The following PTPRT variants were observed in gnomAD, a reference collection of about 807,000 sequenced individuals.
The protein encoded by PTPRT is protein tyrosine phosphatase receptor type T, also known as receptor-type tyrosine-protein phosphatase T.
A neutral mutation model predicts 176.8 loss-of-function variants in PTPRT; 56 were observed. The ratio of observed to expected loss-of-function variants is 0.32; its 90% CI spans 0.26 to 0.40. The LOEUF (loss-of-function observed/expected upper bound fraction) is 0.40. Ranked by LOEUF, PTPRT falls within the 10% of genes least tolerant of loss-of-function variation. The probability of loss-of-function intolerance (pLI) is 1.00; values close to 1 mark genes in which losing one functional copy is unlikely to be tolerated. For missense variants in PTPRT, 1,540 were observed against 1,908.2 expected (o/e 0.81, Z 3.60); for synonymous variants, 783 against 739.0 (o/e 1.06, Z -0.96).
chr20:43,043,051 G>A (rs1227384371), intron 1 of PTPRT, among the ~76,000 whole-genome samples: 2 of 152,194 alleles, frequency 1.3e-5, no homozygotes, highest in Non-Finnish European at 2.9e-5. Context: ...CAGACAACCT[G>A]TAAGCACTGG....
chr20:42,225,538 TTTTAAG>T (rs1202844856), intron 15 of PTPRT, among the ~76,000 whole-genome samples: 2 of 152,208 alleles, frequency 1.3e-5, no homozygotes, highest in African/African-American at 4.8e-5. Context: ...TTCTTTGCCT[TTTTAAG>T]TTTTTTTCCT....
chr20:42,635,855 G>A (rs917155150), intron 7 of PTPRT, among the ~76,000 whole-genome samples: 3 of 152,102 alleles, frequency 2.0e-5, no homozygotes, highest in Non-Finnish European at 4.4e-5. Flanking sequence ...TAAACTGCCA[G>A]CTTGATATCG....
intron 7 of PTPRT, among the ~76,000 whole-genome samples, chr20:42,550,974 C>G (rs1433158050): frequency 1.3e-5 from 2 of 152,092 alleles, no homozygotes; most frequent in African/African-American, 4.8e-5. Flanking sequence ...GGACTCGATT[C>G]TCCCCTTACT....
intron 9 of PTPRT, among the ~76,000 whole-genome samples, chr20:42,421,252 ACACG>A (rs1159590855): frequency 2.8e-5 from 4 of 140,516 alleles, no homozygotes; most frequent in African/African-American, 2.7e-5. Context: ...ACATACACAC[ACACG>A]CACGCACGCA....
intron 11 of PTPRT, among the ~76,000 whole-genome samples, chr20:42,327,353 T>G (rs1361054685): frequency 6.6e-6 from 1 of 152,042 alleles, no homozygotes; most frequent in Non-Finnish European, 1.5e-5. Flanking sequence ...TGATCCTTGA[T>G]TGGATCCTGG....
chr20:43,094,077 T>C (rs2012002284), intron 1 of PTPRT, among the ~76,000 whole-genome samples: 1 of 140,666 alleles, frequency 7.1e-6, no homozygotes, highest in Admixed American at 7.3e-5. Context: ...CTCTGTTTTT[T>C]TCTTTCTTTC....
rs569924489 is a variant in PTPRT, at chr20:43,186,374, G to A, written c.88+3272C>T. Among the ~76,000 whole-genome samples, 12 of 152,254 alleles carry A rather than the reference G, an allele frequency of 7.9e-5. No individual in the cohort carries two copies. In the South Asian group the frequency reaches 2.5e-3, roughly 32 times the overall value. On this transcript the variant is annotated intron_variant, in intron 1 of 30. Transcript: ENST00000373187. ...CGCCCCCCCATTATAGCTGCCGTGA[G>A]ACTCTACCATCTCTTCACCATCATC...
intron 2 of PTPRT, among the ~76,000 whole-genome samples, chr20:42,834,454 T>C (rs980988028): frequency 7.9e-5 from 12 of 152,124 alleles, no homozygotes; most frequent in African/African-American, 2.9e-4. Context: ...GAAAAACAGA[T>C]TGACAGTTCC....
intron 17 of PTPRT, among the ~76,000 whole-genome samples, chr20:42,157,213 C>T (rs1435244797): frequency 6.6e-6 from 1 of 152,114 alleles, no homozygotes; most frequent in Non-Finnish European, 1.5e-5. Flanking sequence ...TAATTAAGGA[C>T]TATCCTTTTA....
chr20:42,493,099 G>C (rs1215878933), intron 7 of PTPRT, among the ~76,000 whole-genome samples: 1 of 152,138 alleles, frequency 6.6e-6, no homozygotes, highest in African/African-American at 2.4e-5. Context: ...CTCATGTAAA[G>C]TTTTAAATAC....
chr20:42,670,130 A>T (rs1338215147), intron 7 of PTPRT, among the ~76,000 whole-genome samples: 1 of 152,132 alleles, frequency 6.6e-6, no homozygotes, highest in Non-Finnish European at 1.5e-5. Flanking sequence ...AGCTAGAGAA[A>T]TCCTTCTTAA....
intron 19 of PTPRT, among the ~76,000 whole-genome samples, chr20:42,125,823 T>C (rs1369305810): frequency 6.6e-6 from 1 of 152,156 alleles, no homozygotes; most frequent in Non-Finnish European, 1.5e-5. Context: ...AAATGACTTT[T>C]GTTGGGGGAT....
In PTPRT at chr20:42,961,881, G is replaced by A. The variant is rs146569641; in HGVS notation, c.89-75949C>T. 1.8e-4 allele frequency among the ~76,000 whole-genome samples: 27 copies of A among 152,286 alleles called. 1 individual carries two copies. In the East Asian group the frequency reaches 4.1e-3, roughly 23 times the overall value. ...GTCCTTATAAGTGAAGGAGCGGGGC[G>A]GGAGGGTCAGAGAAGGAGGCGTACT... On this transcript the variant is annotated intron_variant, in intron 1 of 30. Transcript: ENST00000373187.
intron 6 of PTPRT, chr20:42,686,135 T>C (rs2075686982): frequency 6.6e-6 from 1 of 152,218 alleles, no homozygotes; most frequent in African/African-American, 2.4e-5. Context: ...TTTCCTCATT[T>C]TTCTCTCCAT....
intron 6 of PTPRT, among the ~76,000 whole-genome samples, chr20:42,706,410 A>AT (rs901049493): frequency 6.5e-4 from 97 of 150,372 alleles, no homozygotes; most frequent in Middle Eastern, 3.4e-3. Context: ...TGGAGTTTGT[A>AT]TTTTTTTTTG....
intron 1 of PTPRT, among the ~76,000 whole-genome samples, chr20:42,995,795 C>A (rs988214971): frequency 5.9e-5 from 9 of 151,936 alleles, no homozygotes; most frequent in African/African-American, 2.2e-4. Context: ...ATTGTGACAC[C>A]AATCCAACCC....
intron 9 of PTPRT, among the ~76,000 whole-genome samples, chr20:42,355,891 C>T (rs551433875): frequency 6.6e-6 from 1 of 152,282 alleles, no homozygotes; most frequent in South Asian, 2.1e-4. Flanking sequence ...TTCCACCGAG[C>T]TGTCAATATA....
At chr20:42,847,635 A>T (rs554353464) in intron 2 of PTPRT, among the ~76,000 whole-genome samples, 11 of 152,294 alleles carry the variant, frequency 7.2e-5, no homozygotes, top group African/African-American at 2.6e-4. Flanking sequence ...TTAGAGTCAC[A>T]TGCCACAGCC....
intron 6 of PTPRT, among the ~76,000 whole-genome samples, chr20:42,724,015 C>T (rs2076341580): frequency 1.3e-5 from 2 of 152,246 alleles, no homozygotes; most frequent in South Asian, 4.2e-4. Context: ...TGAAAATAAG[C>T]TTGTATGTAG....
Sources: allele counts gnomAD v4.1 joint callset (sites outside exome capture counted in the v4.1 genomes callset), GRCh38; gene constraint gnomAD v4.1.1; transcripts MANE v1.5; gene names NCBI Gene and HGNC (gene_info 2026-07-23, HGNC 2026-07-21).